Variants in DHX37 observed in about 807,000 individuals in gnomAD.
DHX37 encodes DEAH-box helicase 37.
Under a neutral mutation model 134.3 loss-of-function variants are expected in DHX37, and 52 were observed. The observed-to-expected ratio is 0.39, with a 90% CI of 0.31 to 0.49. DHX37 has a LOEUF of 0.49. Among genes scored for constraint, DHX37 ranks in the 20% least tolerant of loss-of-function variants. The pLI is 0.93. For missense variants in DHX37, 1,344 were observed against 1,580.8 expected (o/e 0.85, Z 2.54); for synonymous variants, 634 against 670.7 (o/e 0.95, Z 0.85).
chr12:124,977,276 T>C (rs1448027052), intron 5 of DHX37, 66 bp downstream of exon 5: 20 of 1,455,782 alleles, frequency 1.4e-5, no homozygotes, highest in Admixed American at 5.2e-5. Flanking sequence ...CAGGCTCTTA[T>C]CGACCTTTCA....
chr12:124,967,144 G>A lies in DHX37; in HGVS notation c.1483C>T (p.Pro495Ser). The A allele has an allele frequency of 6.2e-7, 1 of 1,613,764 alleles. No homozygotes were observed. The stretch of plus-strand genomic sequence containing the variant: ...TTACCTTGTGGCCGGGCTCTGGAGG[G>A]TGGGAAAGCCTTCCTGAGCCTGCGG... ...LCRRLRKAFP[P>S]SRARPQEKDD... Residue 495 changes from proline to serine, a missense_variant, in exon 11 of 27, where the codon CCC (proline) becomes TCC (serine). Pro to Ser is a moderately conservative substitution (Grantham distance 74). Coordinates refer to ENST00000308736, the MANE Select transcript of DHX37 (RefSeq NM_032656.4).
In DHX37 at chr12:124,986,237, T is replaced by C; in HGVS notation, c.135A>G (p.Ala45=). The C allele has an allele frequency of 6.2e-7, 1 of 1,614,070 alleles. No homozygotes were observed. Among genetic ancestry groups the C allele is most frequent in the Middle Eastern group, 1.6e-4 (1 of 6,062 alleles). Residue 45 remains alanine (A), a synonymous_variant, in exon 2 of 27, where the codon GCA becomes GCG. Coordinates refer to ENST00000308736, the MANE Select transcript of DHX37 (RefSeq NM_032656.4). ...TCCCCGGTAGAACGAGCGCGTTGCTTGCATCAACTCCCTTCAACGTGTCCT... is the reference window on the plus strand; with the variant it reads ...TCCCCGGTAGAACGAGCGCGTTGCTCGCATCAACTCCCTTCAACGTGTCCT... ...EDKDTLKGVD[A]SNALVLPGKK...
At chr12:124,950,872 C>A in intron 21 of DHX37, 68 bp from the exon 22 acceptor site, 1 of 1,493,270 alleles carries the variant, frequency 6.7e-7, no homozygotes, top group South Asian at 1.4e-5. Context: ...TACTTTCAAC[C>A]CAGGAGAAGA....
chr12:124,953,953 A>G lies in DHX37; in HGVS notation c.2622T>C (p.Phe874=). 1.2e-6 allele frequency: 2 copies of G among 1,613,422 alleles called. No individual in the cohort carries two copies. Among genetic ancestry groups the G allele is most frequent in the Non-Finnish European group, 1.7e-6 (2 of 1,179,930 alleles). ...ACEYASCTPQ[F]CEANGLRYKA... Reference sequence around the variant, plus strand: ...TGTACCGCAGCCCGTTGGCTTCGCAAAACTGGGGTGTGCAGCTGGCATACT... The same window carrying G: ...TGTACCGCAGCCCGTTGGCTTCGCAGAACTGGGGTGTGCAGCTGGCATACT... The change falls in exon 20 of 27, where the codon TTT becomes TTC. Residue 874 remains phenylalanine (F), a synonymous_variant. Coordinates refer to ENST00000308736, the MANE Select transcript of DHX37 (RefSeq NM_032656.4).
At chr12:124,966,305 T>C (rs1179748109) in intron 12 of DHX37, among the ~76,000 whole-genome samples, 1 of 152,184 alleles carries the variant, frequency 6.6e-6, no homozygotes, top group East Asian at 1.9e-4. Context: ...TGACCTCAGG[T>C]GATCCACCTG....
chr12:124,980,462 T>G lies in DHX37; in HGVS notation c.738+28A>C. ...GCGCCCCTTGCCCGCTAACCTAGATTCTTAATCACAAACACGGGGTGGCGA... is the reference window on the plus strand; with the variant it reads ...GCGCCCCTTGCCCGCTAACCTAGATGCTTAATCACAAACACGGGGTGGCGA... On this transcript the variant is annotated intron_variant, in intron 4 of 26. Coordinates refer to ENST00000308736, the MANE Select transcript of DHX37 (RefSeq NM_032656.4). This position sits in a 1 kb window ranked among gnomAD's most constrained non-coding sequence, Gnocchi z 5.3. 1.2e-6 allele frequency: 2 copies of G among 1,600,288 alleles called. No individual in the cohort carries two copies. The highest frequency in any genetic ancestry group is 1.7e-6 in the Non-Finnish European group (2 of 1,176,302).
At chr12:124,974,116 G>A (rs7309775) in intron 6 of DHX37, among the ~76,000 whole-genome samples, 99,872 of 151,106 alleles carry the variant, frequency 0.66, 33,439 homozygotes, top group East Asian at 0.77. Context: ...ACTGCGCACG[G>A]CTAATTTTTT....
intron 21 of DHX37, among the ~76,000 whole-genome samples, chr12:124,952,128 C>T (rs1289054679): frequency 1.3e-5 from 2 of 152,082 alleles, no homozygotes; most frequent in Non-Finnish European, 2.9e-5. Context: ...TCCTGGGCAA[C>T]AGAGCGAGAC....
At chr12:124,956,491 T>C (rs527565896) in intron 18 of DHX37, among the ~76,000 whole-genome samples, 200 bp downstream of exon 18, 1 of 152,344 alleles carries the variant, frequency 6.6e-6, no homozygotes, top group East Asian at 1.9e-4. Flanking sequence ...AGTGTCACTT[T>C]TCTTTTTCTT....
Position 124,980,378 on chromosome 12 carries a change from G to C in DHX37, c.738+112C>G. 1 of 1,201,010 alleles carries C rather than the reference G, an allele frequency of 8.3e-7. No individual in the cohort carries two copies. The highest frequency in any genetic ancestry group is 1.1e-6 in the Non-Finnish European group (1 of 879,056). The allele number at this position is 1,201,010 out of a possible 1,614,324, so 74.4% of individuals were successfully genotyped here. A position where few individuals can be genotyped will look rare whatever the true frequency, so the allele number is the denominator to read the frequency against. On this transcript the variant is annotated intron_variant, in intron 4 of 26. Coordinates refer to ENST00000308736, the MANE Select transcript of DHX37 (RefSeq NM_032656.4). The surrounding 1 kb of genome is among the most constrained non-coding windows in gnomAD (Gnocchi z 5.3). ...CAGTCACTCTCCCCTTTCCCAGATG[G>C]GGACATGGAGGCACAGAGAAGGGAT...
rs1170616604 is a variant in DHX37 at position 124,947,613 on chromosome 12, C to T, written c.*189G>A. On this transcript the variant is annotated 3_prime_UTR_variant, in exon 27 of 27. Coordinates refer to ENST00000308736, the MANE Select transcript of DHX37 (RefSeq NM_032656.4). Reference sequence around the variant, plus strand: ...ACAGTTCAAAAAGTCACCCCCGGGCCAGATGGCACGGGCGGCAGCACCCTT... The same window carrying T: ...ACAGTTCAAAAAGTCACCCCCGGGCTAGATGGCACGGGCGGCAGCACCCTT... 1.0e-5 allele frequency: 7 copies of T among 671,618 alleles called. No individual in the cohort carries two copies. The East Asian group carries it at 2.0e-4, about 19-fold the overall frequency. The allele number at this position is 671,618 out of a possible 1,614,324, so 41.6% of individuals were successfully genotyped here.
chr12:124,975,470 G>A lies in DHX37; in HGVS notation c.929C>T (p.Ala310Val), dbSNP rs1285455018. The change falls in exon 6 of 27, where the codon GCC (alanine) becomes GTC (valine). Residue 310 changes from alanine to valine, a missense_variant. Physicochemically the swap from Ala to Val is moderately conservative, Grantham distance 64. Transcript: ENST00000308736. ...CACTCGCTGGGACATGGCCACGGCGGCCACTCGGCGGGGCTCCGTGACACC... is the reference window on the plus strand; with the variant it reads ...CACTCGCTGGGACATGGCCACGGCGACCACTCGGCGGGGCTCCGTGACACC... Reference protein sequence around the residue: ...IIGVTEPRRVAAVAMSQRVAK... With the variant: ...IIGVTEPRRVVAVAMSQRVAK... 4 of 1,612,674 alleles carry A rather than the reference G, an allele frequency of 2.5e-6. No homozygotes were observed. The highest frequency in any genetic ancestry group is 2.7e-5 in the African/African-American group (2 of 74,914).
At chr12:124,981,262 C>T (rs1270654388) in intron 3 of DHX37, among the ~76,000 whole-genome samples, 2 of 135,692 alleles carry the variant, frequency 1.5e-5, no homozygotes, top group African/African-American at 5.1e-5. Context: ...TCTCTGCACT[C>T]GATAAACAGT....
In DHX37 at chr12:124,947,822, G is replaced by T; in HGVS notation, c.3454C>A (p.Pro1152Thr). The T allele has an allele frequency of 6.3e-7, 1 of 1,594,678 alleles. No homozygotes were observed. Among genetic ancestry groups the T allele is most frequent in the Non-Finnish European group, 8.6e-7 (1 of 1,169,476 alleles). The change falls in exon 27 of 27, where the codon CCC becomes ACC. Residue 1152 changes from proline (P) to threonine (T), a missense_variant. Pro to Thr is a conservative substitution (Grantham distance 38). Coordinates refer to ENST00000308736, the MANE Select transcript of DHX37 (RefSeq NM_032656.4). ...TCTGGTCAGTGGACAGTGGTGGGGG[G>T]CCAGGCTTTCTCGATATCGGGGTGC... ...AMHPDIEKAW[P>T]PTTVH
chr12:124,971,237 A>G (rs1954515914), intron 8 of DHX37, 65 bp downstream of exon 8: 18 of 1,568,614 alleles, frequency 1.1e-5, no homozygotes, highest in Non-Finnish European at 1.3e-5. Flanking sequence ...AGGAAGCCCA[A>G]GCCTCTGACA....
chr12:124,979,131 C>G (rs930514845), intron 4 of DHX37, among the ~76,000 whole-genome samples: 1 of 151,790 alleles, frequency 6.6e-6, no homozygotes, highest in African/African-American at 2.4e-5. Flanking sequence ...GGGCAGATTG[C>G]CTGAGTTTGG....
Position 124,949,278 on chromosome 12 carries a change from C to G in DHX37, c.3290+708G>C, listed in dbSNP as rs1415945247. On this transcript the variant is annotated intron_variant, in intron 25 of 26. Transcript: ENST00000308736. This position sits in a 1 kb window ranked among gnomAD's most constrained non-coding sequence, Gnocchi z 4.0. ...CTGTGCCCCACGCCCCATCTCGAGT[C>G]CCTGGCACCTGCCTGCACCTTCAGG... 6.6e-6 allele frequency among the ~76,000 whole-genome samples: 1 copy of G among 152,236 alleles called. No individual in the cohort carries two copies. The highest frequency in any genetic ancestry group is 2.4e-5 in the African/African-American group (1 of 41,462).
chr12:124,974,629 G>T (rs1197263429), intron 6 of DHX37, among the ~76,000 whole-genome samples: 1 of 151,136 alleles, frequency 6.6e-6, no homozygotes, highest in Non-Finnish European at 1.5e-5. Context: ...GTGCTCTTTT[G>T]TGCCTTCTGG....
intron 25 of DHX37, 164 bp from the exon 26 acceptor site, chr12:124,948,345 G>A (rs1279597083): frequency 1.2e-5 from 15 of 1,297,748 alleles, no homozygotes; most frequent in African/African-American, 1.5e-5. Flanking sequence ...AGTTACTCAG[G>A]GGGCTGAAGT....
Sources: allele counts gnomAD v4.1 joint callset (sites outside exome capture counted in the v4.1 genomes callset), GRCh38; gene constraint gnomAD v4.1.1; non-coding constraint Gnocchi (gnomAD v3.1); transcripts MANE v1.5; gene names NCBI Gene and HGNC (gene_info 2026-07-23, HGNC 2026-07-21).